DACH2: variants seen among roughly 807,000 people sequenced by gnomAD.
DACH2 encodes dachshund family transcription factor 2, also known as dachshund homolog 2.
DACH2 carries 17 observed loss-of-function variants against 35.8 expected under a neutral mutation model. The ratio of observed to expected loss-of-function variants is 0.48; its 90% confidence interval spans 0.33 to 0.71. The LOEUF (loss-of-function observed/expected upper bound fraction) is 0.71, where lower values mean the gene tolerates loss of function less well. DACH2 is among the 30% of genes least tolerant of loss of function. The pLI, the probability that DACH2 is intolerant of heterozygous loss-of-function variation, is 0.02. For synonymous variants in DACH2, 195 were observed against 177.3 expected, an observed-to-expected ratio of 1.10 and a Z score of -0.79; for missense variants, 469 against 472.7, an observed-to-expected ratio of 0.99 and a Z score of 0.07.
At chrX:86,445,319 G>A (rs1404992092) in intron 2 of DACH2, among the ~76,000 whole-genome samples, 1 of 81,337 alleles carries the variant, frequency 1.2e-5, no homozygotes, top group Non-Finnish European at 2.3e-5. Context: ...GAGATCACAT[G>A]GACACAGGAA....
chrX:86,158,764 A>G (rs537546767), intron 1 of DACH2, among the ~76,000 whole-genome samples: 48 of 111,584 alleles, frequency 4.3e-4, no homozygotes, highest in African/African-American at 1.1e-3. Flanking sequence ...TGCCACATCT[A>G]TTATTGAATA....
intron 6 of DACH2, among the ~76,000 whole-genome samples, chrX:86,725,332 G>A (rs2041454319): frequency 9.0e-6 from 1 of 111,640 alleles, no homozygotes; most frequent in African/African-American, 3.3e-5. Flanking sequence ...TGCTGAAAAT[G>A]TATATATGTT....
At chrX:86,601,879 C>T (rs1456182147) in intron 3 of DACH2, among the ~76,000 whole-genome samples, 1 of 112,035 alleles carries the variant, frequency 8.9e-6, no homozygotes, top group Non-Finnish European at 1.9e-5. Flanking sequence ...AGGGATACTG[C>T]AGTACAATTT....
intron 3 of DACH2, among the ~76,000 whole-genome samples, chrX:86,636,234 GTCAGGAGT>G (rs751239232): frequency 9.0e-6 from 1 of 110,975 alleles, no homozygotes; most frequent in East Asian, 2.9e-4. Context: ...ATCACCTGAG[GTCAGGAGT>G]TCGAGACCAG....
intron 2 of DACH2, among the ~76,000 whole-genome samples, chrX:86,467,686 A>G (rs949720954): frequency 5.5e-4 from 61 of 111,613 alleles, no homozygotes; most frequent in African/African-American, 2.0e-3. Context: ...GCTAATAAAG[A>G]CATACCCAAG....
intron 5 of DACH2, among the ~76,000 whole-genome samples, chrX:86,713,157 C>T (rs918124284): frequency 1.8e-5 from 2 of 111,144 alleles, no homozygotes; most frequent in Admixed American, 1.9e-4. Context: ...GGAGACGGAC[C>T]TCAAATAAAT....
chrX:86,184,207 T>C, intron 1 of DACH2: 1 of 182,531 alleles, frequency 5.5e-6, no homozygotes, highest in Non-Finnish European at 1.0e-5. Context: ...ATTTCTAGTC[T>C]TCTGATTTTT....
intron 1 of DACH2, among the ~76,000 whole-genome samples, chrX:86,291,278 T>C (rs1312645891): frequency 9.8e-6 from 1 of 102,447 alleles, no homozygotes; most frequent in East Asian, 3.1e-4. Flanking sequence ...TGATTTTGTA[T>C]CCTGAGACTT....
At chrX:86,476,726 A>C (rs2037848744) in intron 2 of DACH2, among the ~76,000 whole-genome samples, 1 of 110,962 alleles carries the variant, frequency 9.0e-6, no homozygotes, top group South Asian at 3.8e-4. Context: ...CAGTTCTTTA[A>C]GATGCATTGT....
chrX:86,712,226 A>G (rs2148458438), intron 5 of DACH2, among the ~76,000 whole-genome samples: 1 of 111,655 alleles, frequency 9.0e-6, no homozygotes, highest in African/African-American at 3.2e-5. Flanking sequence ...AGGTTTCAGG[A>G]GAAAGATAAA....
chrX:86,681,565 G>A (rs1023914297), intron 4 of DACH2, among the ~76,000 whole-genome samples: 13 of 103,973 alleles, frequency 1.3e-4, no homozygotes. Context: ...GGGTGACAGA[G>A]TGAGACCCTC....
Position 86,319,219 on chromosome X carries a change from T to C in DACH2, c.489-57605T>C, listed in dbSNP as rs186779764. On this transcript the variant is annotated intron_variant, in intron 1 of 11. Coordinates refer to ENST00000373125, the MANE Select transcript of DACH2 (RefSeq NM_053281.3). Reference sequence around the variant, plus strand: ...GTTAATAGTTTCACACAGAGTTTCCTTTGCAAGATTAATTTTTACAATCTT... The same window carrying C: ...GTTAATAGTTTCACACAGAGTTTCCCTTGCAAGATTAATTTTTACAATCTT... 2.7e-5 allele frequency among the ~76,000 whole-genome samples: 3 copies of C among 112,559 alleles called. No individual in the cohort carries two copies. In the East Asian group the frequency reaches 8.4e-4, roughly 31 times the overall value.
chrX:86,777,040 G>A (rs1279249793), intron 7 of DACH2, among the ~76,000 whole-genome samples: 1 of 111,574 alleles, frequency 9.0e-6, no homozygotes, highest in African/African-American at 3.3e-5. Context: ...TAGTGCTGCA[G>A]TAAACATACG....
chrX:86,390,504 C>A (rs770299216), intron 2 of DACH2, among the ~76,000 whole-genome samples: 2 of 111,395 alleles, frequency 1.8e-5, no homozygotes, highest in African/African-American at 3.3e-5. Context: ...TCTAATTTAT[C>A]CCATTTAATG....
chrX:86,310,393 C>G (rs1320077494), intron 1 of DACH2, among the ~76,000 whole-genome samples: 2 of 111,666 alleles, frequency 1.8e-5, no homozygotes, highest in East Asian at 5.7e-4. Flanking sequence ...CAGCCTGCAC[C>G]AATGGCCTCA....
At chrX:86,294,446 G>A (rs1255604483) in intron 1 of DACH2, among the ~76,000 whole-genome samples, 6 of 110,781 alleles carry the variant, frequency 5.4e-5, no homozygotes, top group Admixed American at 9.6e-5. Context: ...TATCCATCCA[G>A]CTTTGTTCCG....
chrX:86,405,940 G>A (rs1384259504), intron 2 of DACH2, among the ~76,000 whole-genome samples: 2 of 111,107 alleles, frequency 1.8e-5, no homozygotes, highest in Non-Finnish European at 3.8e-5. Flanking sequence ...GAGGAGCAAT[G>A]GGTGGGGAAC....
At chrX:86,765,698 G>GTTTTTTTTTTTTTTTTT (rs60709865) in intron 7 of DACH2, among the ~76,000 whole-genome samples, 3 of 24,635 alleles carry the variant, frequency 1.2e-4, no homozygotes, top group Non-Finnish European at 2.0e-4. Context: ...TTGTTTTTTG[G>GTTTTTTTTTTTTTTTTT]TTTTTTTTTT....
intron 2 of DACH2, among the ~76,000 whole-genome samples, chrX:86,436,879 A>G (rs1296029513): frequency 9.0e-6 from 1 of 111,597 alleles, no homozygotes; most frequent in East Asian, 2.8e-4. Context: ...GTGTCTTTCA[A>G]GGAGCTGGTC....
Sources: allele counts gnomAD v4.1 joint callset (sites outside exome capture counted in the v4.1 genomes callset), GRCh38; gene constraint gnomAD v4.1.1; transcripts MANE v1.5; gene names NCBI Gene and HGNC (gene_info 2026-07-23, HGNC 2026-07-21).